SPTBN1: variants seen among roughly 807,000 people sequenced by gnomAD.
SPTBN1 encodes the protein spectrin beta chain, non-erythrocytic 1.
A neutral mutation model predicts 266.4 loss-of-function variants in SPTBN1; 32 were observed. The observed-to-expected ratio is 0.12, with a 90% confidence interval of 0.09 to 0.16. The LOEUF (loss-of-function observed/expected upper bound fraction) is 0.16. Ranked by LOEUF, SPTBN1 falls within the 10% of genes least tolerant of loss-of-function variation. The probability of loss-of-function intolerance (pLI) is 1.00; values close to 1 mark genes in which losing one functional copy is unlikely to be tolerated. For synonymous variants in SPTBN1, 1,336 were observed against 1,162.2 expected (o/e 1.15, Z -3.04); for missense variants, 2,296 against 3,067.1 (o/e 0.75, Z 5.94).
chr2:54,602,458 C>T (rs1013154207), intron 3 of SPTBN1, among the ~76,000 whole-genome samples: 1 of 152,190 alleles, frequency 6.6e-6, no homozygotes, highest in Admixed American at 6.5e-5. Flanking sequence ...TTTAGATGCT[C>T]CCCATTGCCT....
chr2:54,643,716 G>T (rs1158128449), intron 19 of SPTBN1, among the ~76,000 whole-genome samples: 1 of 152,094 alleles, frequency 6.6e-6, no homozygotes, highest in Non-Finnish European at 1.5e-5. Flanking sequence ...GGGCACGGTG[G>T]CTCATGCCTG....
intron 2 of SPTBN1, chr2:54,529,327 T>G (rs538936519): frequency 6.7e-5 from 37 of 548,704 alleles, no homozygotes; most frequent in African/African-American, 6.7e-4. Context: ...AAAGATACAC[T>G]TGAGACCCTT....
At chr2:54,656,220 G>A (rs755078481) in intron 29 of SPTBN1, among the ~76,000 whole-genome samples, 10 of 152,140 alleles carry the variant, frequency 6.6e-5, no homozygotes, top group African/African-American at 2.2e-4. Flanking sequence ...GTCATAGGTG[G>A]GATTTGGATG....
intron 5 of SPTBN1, among the ~76,000 whole-genome samples, chr2:54,616,503 A>G (rs919062968): frequency 2.0e-5 from 3 of 152,226 alleles, no homozygotes; most frequent in South Asian, 2.1e-4. Context: ...TCATGTCTTC[A>G]TAATCAGTTT....
intron 2 of SPTBN1, chr2:54,526,792 A>G (rs998040378): frequency 6.8e-5 from 27 of 398,936 alleles, no homozygotes; most frequent in Middle Eastern, 6.4e-4. Context: ...AGTGTTATTT[A>G]TAGCAATTCA....
chr2:54,517,829 A>G (rs546682752), intron 1 of SPTBN1, among the ~76,000 whole-genome samples: 1 of 152,092 alleles, frequency 6.6e-6, no homozygotes, highest in East Asian at 1.9e-4. Flanking sequence ...TATTTTTAGT[A>G]GAGACAGGGT....
At chr2:54,465,919 ATTTCCATTAAT>A (rs1573204731) in intron 1 of SPTBN1, among the ~76,000 whole-genome samples, 1 of 151,980 alleles carries the variant, frequency 6.6e-6, no homozygotes, top group Non-Finnish European at 1.5e-5. Flanking sequence ...AAATTAATGA[ATTTCCATTAAT>A]TTTGTATTTT....
intron 1 of SPTBN1, among the ~76,000 whole-genome samples, chr2:54,523,735 T>C (rs1670628003): frequency 6.6e-6 from 1 of 152,190 alleles, no homozygotes; most frequent in Non-Finnish European, 1.5e-5. Context: ...AATCATCTCT[T>C]GAATGATCCT....
At chr2:54,488,414 A>G (rs762841018) in intron 1 of SPTBN1, among the ~76,000 whole-genome samples, 4 of 152,184 alleles carry the variant, frequency 2.6e-5, no homozygotes, top group African/African-American at 4.8e-5. Flanking sequence ...TGTCTGACTC[A>G]TACTGTAGTC....
intron 2 of SPTBN1, among the ~76,000 whole-genome samples, chr2:54,543,680 C>A (rs978835672): frequency 6.6e-6 from 1 of 152,092 alleles, no homozygotes; most frequent in Non-Finnish European, 1.5e-5. Flanking sequence ...GCACTCAATG[C>A]ACATTAAAAT....
intron 5 of SPTBN1, 65 bp from the exon 6 acceptor site, chr2:54,617,543 T>G (rs1458950692): frequency 1.3e-6 from 2 of 1,512,872 alleles, no homozygotes; most frequent in Non-Finnish European, 1.8e-6. Flanking sequence ...ACAAAGCACT[T>G]GGCAAAAGTA....
In SPTBN1 at chr2:54,665,973, G is replaced by A. The variant is rs745536969; in HGVS notation, c.6718G>A (p.Ala2240Thr). The A allele has an allele frequency of 1.2e-6, 2 of 1,614,090 alleles. No individual in the cohort carries two copies. Among genetic ancestry groups the A allele is most frequent in the South Asian group, 1.1e-5 (1 of 91,074 alleles). ...NNQEMGFYKDAKTAASGIPYH... is the reference protein window; with the variant it reads ...NNQEMGFYKDTKTAASGIPYH... ...CCAAGAAATGGGTTTCTACAAAGATGCAAAGACTGCTGCTTCTGGAATTCC... is the reference window on the plus strand; with the variant it reads ...CCAAGAAATGGGTTTCTACAAAGATACAAAGACTGCTGCTTCTGGAATTCC... Residue 2240 changes from alanine to threonine, a missense_variant, in exon 34 of 36, where the codon GCA becomes ACA. Ala to Thr is a moderately conservative substitution (Grantham distance 58). This residue lies in a region of SPTBN1 where 347 missense variants were observed against 368.5 expected (regional missense o/e 0.94). Coordinates refer to ENST00000356805, the MANE Select transcript of SPTBN1 (RefSeq NM_003128.3).
At chr2:54,618,465 A>G (rs1383731431) in intron 7 of SPTBN1, among the ~76,000 whole-genome samples, 2 of 152,238 alleles carry the variant, frequency 1.3e-5, no homozygotes, top group Non-Finnish European at 2.9e-5. Context: ...AGAAGAAGGT[A>G]TGCTTGAGGG....
At chr2:54,662,384 C>CT (rs1391258226) in intron 32 of SPTBN1, 9 of 965,150 alleles carry the variant, frequency 9.3e-6, no homozygotes, top group Non-Finnish European at 1.1e-5. Flanking sequence ...GGGGTTTTCT[C>CT]TTTCCTTCTA....
chr2:54,548,773 A>T (rs1020957835), intron 2 of SPTBN1, among the ~76,000 whole-genome samples: 1 of 152,194 alleles, frequency 6.6e-6, no homozygotes, highest in African/African-American at 2.4e-5. Flanking sequence ...AATTTTTAAA[A>T]GGAACTTCTG....
At chr2:54,586,888 C>G (rs571731367) in intron 2 of SPTBN1, among the ~76,000 whole-genome samples, 33 of 152,214 alleles carry the variant, frequency 2.2e-4, no homozygotes, top group Admixed American at 2.0e-3. Flanking sequence ...GAGCAGAATC[C>G]TCTTCTATCT....
chr2:54,486,208 G>A (rs1011991873), intron 1 of SPTBN1, among the ~76,000 whole-genome samples: 10 of 152,102 alleles, frequency 6.6e-5, no homozygotes, highest in African/African-American at 2.4e-4. Flanking sequence ...CCACCACCCT[G>A]TCTGGGAGGT....
At chr2:54,512,553 AAT>A (rs1292236031) in intron 1 of SPTBN1, among the ~76,000 whole-genome samples, 1 of 152,234 alleles carries the variant, frequency 6.6e-6, no homozygotes, top group Non-Finnish European at 1.5e-5. Flanking sequence ...ATTTAAAATA[AAT>A]ATGTTAAAAG....
chr2:54,522,655 A>G (rs1455641350), intron 1 of SPTBN1, among the ~76,000 whole-genome samples: 13 of 85,986 alleles, frequency 1.5e-4, no homozygotes, highest in African/African-American at 5.0e-4. Context: ...AAAGAGAGAG[A>G]GAAAGAGAGA....
Sources: allele counts gnomAD v4.1 joint callset (sites outside exome capture counted in the v4.1 genomes callset), GRCh38; gene constraint gnomAD v4.1.1; regional missense constraint gnomAD v4.1.1; transcripts MANE v1.5; gene names NCBI Gene and HGNC (gene_info 2026-07-23, HGNC 2026-07-21).